CD2AP: variants seen among roughly 807,000 people sequenced by gnomAD.
The protein encoded by CD2AP is CD2-associated protein.
CD2AP carries 46 observed loss-of-function variants against 85.1 expected under a neutral mutation model. The ratio of observed to expected loss-of-function variants is 0.54; its 90% CI spans 0.43 to 0.69. The LOEUF (loss-of-function observed/expected upper bound fraction) is 0.69. CD2AP is among the 30% of genes least tolerant of loss of function. The pLI is 0.00. For synonymous variants in CD2AP, 255 were observed against 252.9 expected, an observed-to-expected ratio of 1.01 and a Z score of -0.08; for missense variants, 769 against 729.5, an observed-to-expected ratio of 1.05 and a Z score of -0.62.
At chr6:47,546,171 A>C (rs1315587183) in intron 4 of CD2AP, among the ~76,000 whole-genome samples, 1 of 152,098 alleles carries the variant, frequency 6.6e-6, no homozygotes, top group Non-Finnish European at 1.5e-5. Flanking sequence ...AATAATCAAA[A>C]CTTCAGGAAA....
At chr6:47,612,326 T>C in intron 16 of CD2AP, 147 bp from the exon 17 acceptor site, 6 of 625,626 alleles carry the variant, frequency 9.6e-6, no homozygotes, top group Non-Finnish European at 1.4e-5. Context: ...AACTAGAGAA[T>C]CTTACATTTT....
At chr6:47,484,998 C>T (rs1045543686) in intron 1 of CD2AP, among the ~76,000 whole-genome samples, 12 of 152,256 alleles carry the variant, frequency 7.9e-5, no homozygotes, top group African/African-American at 2.6e-4. Context: ...AGTAGTGCAA[C>T]GCGTTACTCA....
At chr6:47,532,977 G>T (rs58586595) in intron 2 of CD2AP, among the ~76,000 whole-genome samples, 38,263 of 152,002 alleles carry the variant, frequency 0.25, 5,520 homozygotes, top group East Asian at 0.6. Context: ...TAGATCAGGG[G>T]CTATCAAACT....
At chr6:47,557,938 T>C (rs1248164487) in intron 5 of CD2AP, among the ~76,000 whole-genome samples, 1 of 152,190 alleles carries the variant, frequency 6.6e-6, no homozygotes, top group South Asian at 2.1e-4. Flanking sequence ...TTTCATGATA[T>C]TGATTATTCC....
At chr6:47,501,694 TAGTC>T (rs1008473287) in intron 1 of CD2AP, among the ~76,000 whole-genome samples, 10 of 152,072 alleles carry the variant, frequency 6.6e-5, no homozygotes, top group South Asian at 2.1e-4. Flanking sequence ...ATTTTCTTTT[TAGTC>T]AGTCTTGTAG....
chr6:47,546,295 T>TC lies in CD2AP; in HGVS notation c.420+1591dup, dbSNP rs1310188527. On this transcript the variant is annotated intron_variant, in intron 4 of 17. Coordinates refer to ENST00000359314, the MANE Select transcript of CD2AP (RefSeq NM_012120.3). ...AGACAAGGTTTTTGAATTAACCCAA[T>TC]CCAACAAAGACAAAGAATAAGAAAA... Among the ~76,000 whole-genome samples, 4 of 151,876 alleles carry TC rather than the reference T, an allele frequency of 2.6e-5. No individual in the cohort carries two copies. The East Asian group carries it at 7.7e-4, about 29-fold the overall frequency.
chr6:47,534,871 T>C (rs1295998215), intron 3 of CD2AP, among the ~76,000 whole-genome samples: 1 of 151,486 alleles, frequency 6.6e-6, no homozygotes, highest in African/African-American at 2.4e-5. Context: ...CACAGCTCAC[T>C]GCGGCCTTGA....
At chr6:47,564,928 C>T (rs1188371894) in intron 5 of CD2AP, among the ~76,000 whole-genome samples, 1 of 151,902 alleles carries the variant, frequency 6.6e-6, no homozygotes, top group East Asian at 1.9e-4. Flanking sequence ...TATAGTTTCT[C>T]CTCACAGTCT....
chr6:47,619,478 C>G (rs1471518600), intron 17 of CD2AP, among the ~76,000 whole-genome samples: 1 of 152,152 alleles, frequency 6.6e-6, no homozygotes, highest in Non-Finnish European at 1.5e-5. Flanking sequence ...TTGATGGGCA[C>G]TTGGGTTGGT....
At chr6:47,607,812 C>T in intron 14 of CD2AP, 115 bp from the exon 15 acceptor site, 1 of 685,686 alleles carries the variant, frequency 1.5e-6, no homozygotes, top group East Asian at 2.5e-5. Context: ...AATGGGATAT[C>T]AGCAACAGTA....
rs114532648 is a variant in CD2AP at position 47,490,231 on chromosome 6, A to T, written c.4+11983A>T. Among the ~76,000 whole-genome samples, 1,363 of 152,176 alleles carry T rather than the reference A, an allele frequency of 9.0e-3. 23 individuals carry two copies. The highest frequency in any genetic ancestry group is 0.031 in the African/African-American group (1,291 of 41,508). ...CTCTTGGGCTTCAAGCAGTCCTCTT[A>T]CCTGGGCCTCCCAAAGTGCTGGGTT... On this transcript the variant is annotated intron_variant, in intron 1 of 17. Transcript: ENST00000359314.
chr6:47,534,698 A>G (rs1188136029), intron 3 of CD2AP, among the ~76,000 whole-genome samples: 1 of 152,226 alleles, frequency 6.6e-6, no homozygotes, highest in Non-Finnish European at 1.5e-5. Context: ...ACTGTTATTT[A>G]AAAAGTGTAA....
At chr6:47,591,041 G>A (rs1393028943) in intron 11 of CD2AP, among the ~76,000 whole-genome samples, 1 of 152,148 alleles carries the variant, frequency 6.6e-6, no homozygotes, top group Non-Finnish European at 1.5e-5. Context: ...TAACAAAGTT[G>A]CCATTGGAAA....
intron 5 of CD2AP, chr6:47,562,891 GC>G (rs1767899319): frequency 1.2e-5 from 9 of 721,180 alleles, no homozygotes; most frequent in South Asian, 3.0e-5. Context: ...GAATGGGTAG[GC>G]CTCTGTAAAA....
chr6:47,609,480 C>T (rs1298659053), intron 16 of CD2AP, 176 bp downstream of exon 16: 16 of 456,600 alleles, frequency 3.5e-5, no homozygotes, highest in African/African-American at 3.0e-4. Context: ...AGTTCGAGAC[C>T]AGCCTGGACG....
intron 5 of CD2AP, among the ~76,000 whole-genome samples, chr6:47,573,679 C>T (rs12193051): frequency 5.3e-5 from 8 of 151,302 alleles, no homozygotes; most frequent in Admixed American, 1.3e-4. Context: ...TTAGTGGAGA[C>T]GGGGTTTCAC....
At chr6:47,621,325 G>A (rs997692885) in intron 17 of CD2AP, among the ~76,000 whole-genome samples, 3 of 152,068 alleles carry the variant, frequency 2.0e-5, no homozygotes, top group African/African-American at 4.8e-5. Context: ...TTTTAATTCT[G>A]TTTATGTGGT....
chr6:47,513,513 A>G (rs2113996543), intron 2 of CD2AP, among the ~76,000 whole-genome samples: 1 of 151,960 alleles, frequency 6.6e-6, no homozygotes, highest in Admixed American at 6.5e-5. Flanking sequence ...TTGATTTTGA[A>G]GTTTTCACAT....
At chr6:47,503,473 C>T (rs1443631367) in intron 2 of CD2AP, 33 bp downstream of exon 2, 1 of 1,553,462 alleles carries the variant, frequency 6.4e-7, no homozygotes, top group Admixed American at 1.7e-5. Flanking sequence ...CTAGCTCTTG[C>T]TTCATAGGAT....
Sources: gnomAD v4.1 joint callset for allele counts (sites outside exome capture counted in the v4.1 genomes callset) on GRCh38, gnomAD v4.1.1 for gene constraint, MANE v1.5 for transcripts, NCBI Gene and HGNC (gene_info 2026-07-23, HGNC 2026-07-21) for gene names.